The following NCOA2 variants were observed in gnomAD, a reference collection of about 807,000 sequenced individuals.
The protein encoded by NCOA2 is nuclear receptor coactivator 2, also known as class E basic helix-loop-helix protein 75.
Under a neutral mutation model 145.1 loss-of-function variants are expected in NCOA2, and 21 were observed. The observed-to-expected ratio is 0.14, with a 90% CI of 0.10 to 0.21. The LOEUF (loss-of-function observed/expected upper bound fraction) is 0.21, where lower values mean the gene tolerates loss of function less well. Among genes scored for constraint, NCOA2 ranks in the 10% least tolerant of loss-of-function variants. The pLI is 1.00. For synonymous variants in NCOA2, 619 were observed against 637.5 expected, an observed-to-expected ratio of 0.97 and a Z score of 0.44; for missense variants, 1,472 against 1,837.6, an observed-to-expected ratio of 0.80 and a Z score of 3.64.
At chr8:70,324,518 T>A (rs1806381597) in intron 1 of NCOA2, among the ~76,000 whole-genome samples, 1 of 152,052 alleles carries the variant, frequency 6.6e-6, no homozygotes, top group Non-Finnish European at 1.5e-5. Flanking sequence ...TTAATTTATT[T>A]TCTGTAAAGA....
intron 2 of NCOA2, among the ~76,000 whole-genome samples, chr8:70,258,160 G>A (rs1012042240): frequency 3.3e-5 from 5 of 152,028 alleles, no homozygotes; most frequent in Admixed American, 6.6e-5. Context: ...CAAGTGATCC[G>A]CCAGCCTCGG....
At chr8:70,129,034 A>G in intron 16 of NCOA2, 54 bp from the exon 17 acceptor site, 1 of 1,500,068 alleles carries the variant, frequency 6.7e-7, no homozygotes, top group South Asian at 1.2e-5. Flanking sequence ...AAAACAGCAG[A>G]GTCAATATAA....
chr8:70,270,342 C>T (rs1824949183), intron 2 of NCOA2, among the ~76,000 whole-genome samples: 1 of 152,180 alleles, frequency 6.6e-6, no homozygotes, highest in Admixed American at 6.5e-5. Flanking sequence ...TGTTTACTAA[C>T]TCTAGGTCCT....
intron 4 of NCOA2, among the ~76,000 whole-genome samples, chr8:70,206,864 C>T (rs1367756197): frequency 1.3e-5 from 2 of 152,184 alleles, no homozygotes; most frequent in East Asian, 1.9e-4. Flanking sequence ...GACTTTTTTA[C>T]CTATTAAAAT....
intron 21 of NCOA2, among the ~76,000 whole-genome samples, chr8:70,122,647 C>T (rs1018042513): frequency 1.3e-5 from 2 of 152,240 alleles, no homozygotes; most frequent in African/African-American, 4.8e-5. Context: ...GTTATTACTA[C>T]AAGCACACAA....
chr8:70,286,795 CTATA>C (rs1283440698), intron 2 of NCOA2, among the ~76,000 whole-genome samples: 1 of 151,872 alleles, frequency 6.6e-6, no homozygotes, highest in Non-Finnish European at 1.5e-5. Context: ...GTAATTTCCC[CTATA>C]TATATTTAAA....
intron 9 of NCOA2, among the ~76,000 whole-genome samples, chr8:70,161,864 C>T (rs1289872840): frequency 6.6e-6 from 1 of 152,172 alleles, no homozygotes; most frequent in African/African-American, 2.4e-5. Flanking sequence ...CCCAAATTAG[C>T]ACATACTAAA....
intron 4 of NCOA2, among the ~76,000 whole-genome samples, chr8:70,194,878 A>G (rs1235019996): frequency 6.6e-6 from 1 of 152,190 alleles, no homozygotes; most frequent in Non-Finnish European, 1.5e-5. Context: ...CAAAGCCAAG[A>G]GTAAACAGCT....
At chr8:70,417,245 T>TAAAAAAAAAAAAAAAAAAAA in the NCOA2 span, among the ~76,000 whole-genome samples, 5 of 77,994 alleles carry the variant, frequency 6.4e-5, no homozygotes, top group African/African-American at 2.7e-4. Flanking sequence ...TCGTCTCTAT[T>TAAAAAAAAAAAAAAAAAAAA]AAAAAAAAAA....
chr8:70,333,228 C>T (rs1807264161), intron 1 of NCOA2, among the ~76,000 whole-genome samples: 1 of 152,064 alleles, frequency 6.6e-6, no homozygotes, highest in South Asian at 2.1e-4. Context: ...TTTGGGCAGA[C>T]CTGAATGAAT....
intron 19 of NCOA2, among the ~76,000 whole-genome samples, chr8:70,126,075 G>A (rs1808380280): frequency 1.3e-5 from 2 of 152,142 alleles, no homozygotes; most frequent in Admixed American, 6.5e-5. Context: ...CTTGGATTTC[G>A]GCAACAGACT....
intron 2 of NCOA2, among the ~76,000 whole-genome samples, chr8:70,226,368 C>T (rs576140876): frequency 1.1e-4 from 17 of 151,842 alleles, no homozygotes; most frequent in African/African-American, 2.2e-4. Context: ...GCAAACCAAA[C>T]GGAATTTTTA....
chr8:70,126,589 C>T, intron 19 of NCOA2: 2 of 574,112 alleles, frequency 3.5e-6, no homozygotes, highest in Non-Finnish European at 6.3e-6. Context: ...GACCTGCACT[C>T]AGAGAAAAGG....
intron 1 of NCOA2, among the ~76,000 whole-genome samples, chr8:70,351,922 T>G (rs1809284117): frequency 6.6e-6 from 1 of 152,032 alleles, no homozygotes; most frequent in Non-Finnish European, 1.5e-5. Flanking sequence ...TAACTCTGGT[T>G]TTGGCTCATT....
intron 1 of NCOA2, among the ~76,000 whole-genome samples, chr8:70,352,916 A>T (rs1809367059): frequency 6.6e-6 from 1 of 152,142 alleles, no homozygotes; most frequent in African/African-American, 2.4e-5. Context: ...GCAGCAGATA[A>T]CACCCATAAG....
intron 1 of NCOA2, among the ~76,000 whole-genome samples, chr8:70,320,542 G>A (rs909866354): frequency 6.6e-6 from 1 of 152,104 alleles, no homozygotes; most frequent in Non-Finnish European, 1.5e-5. Flanking sequence ...AGAGTGACTG[G>A]TTGTTCCAAT....
At chr8:70,449,259 C>G in the NCOA2 span, among the ~76,000 whole-genome samples, 1 of 152,162 alleles carries the variant, frequency 6.6e-6, no homozygotes, top group African/African-American at 2.4e-5. Flanking sequence ...ATAGAAGCAC[C>G]TGCTCTCATT....
At chr8:70,270,006 A>G (rs1223634419) in intron 2 of NCOA2, among the ~76,000 whole-genome samples, 1 of 152,162 alleles carries the variant, frequency 6.6e-6, no homozygotes, top group African/African-American at 2.4e-5. Context: ...CATAGACCTC[A>G]ACTGTTAAAA....
intron 1 of NCOA2, among the ~76,000 whole-genome samples, chr8:70,390,124 T>C (rs1484481088): frequency 2.0e-5 from 3 of 152,258 alleles, no homozygotes; most frequent in Non-Finnish European, 4.4e-5. Flanking sequence ...TCTAAGTATA[T>C]GACTTCCCAG....
Sources: allele counts gnomAD v4.1 joint callset (sites outside exome capture counted in the v4.1 genomes callset), GRCh38; gene constraint gnomAD v4.1.1; transcripts MANE v1.5; gene names NCBI Gene and HGNC (gene_info 2026-07-23, HGNC 2026-07-21).